The following UBASH3B variants were observed in gnomAD, a reference collection of about 807,000 sequenced individuals.
UBASH3B encodes ubiquitin-associated and SH3 domain-containing protein B.
UBASH3B carries 37 observed loss-of-function variants against 83.4 expected under a neutral mutation model. The ratio of observed to expected loss-of-function variants is 0.44; its 90% confidence interval spans 0.34 to 0.58. The LOEUF (loss-of-function observed/expected upper bound fraction) is 0.58. Among genes scored for constraint, UBASH3B ranks in the 20% least tolerant of loss-of-function variants. The pLI is 0.01. For missense variants in UBASH3B, 657 were observed against 827.2 expected (o/e 0.79, Z 2.52); for synonymous variants, 304 against 318.3 (o/e 0.96, Z 0.48).
intron 6 of UBASH3B, among the ~76,000 whole-genome samples, chr11:122,793,514 C>A (rs1861096747): frequency 6.6e-6 from 1 of 152,190 alleles, no homozygotes; most frequent in African/African-American, 2.4e-5. Context: ...TGGATGGCTA[C>A]CCAAATTGTA....
rs1030826328 is a variant in UBASH3B at position 122,813,061 on chromosome 11, T to A, written c.*3175T>A. 2.6e-5 allele frequency: 4 copies of A among 152,650 alleles called. No individual in the cohort carries two copies. The highest frequency in any genetic ancestry group is 5.9e-5 in the Non-Finnish European group (4 of 68,046). The allele number at this position is 152,650 out of a possible 1,614,324, so 9.5% of individuals were successfully genotyped here. A position where few individuals can be genotyped will look rare whatever the true frequency, so the allele number is the denominator to read the frequency against. ...TTTAATTATACTTTAACCAAAGAATTATTTTAAAGTAACCTTATATTTAAA... is the reference window on the plus strand; with the variant it reads ...TTTAATTATACTTTAACCAAAGAATAATTTTAAAGTAACCTTATATTTAAA... On this transcript the variant is annotated 3_prime_UTR_variant, in exon 14 of 14. Coordinates refer to ENST00000284273, the MANE Select transcript of UBASH3B (RefSeq NM_032873.5).
At chr11:122,700,651 C>G (rs1305690252) in intron 1 of UBASH3B, among the ~76,000 whole-genome samples, 1 of 152,094 alleles carries the variant, frequency 6.6e-6, no homozygotes, top group East Asian at 1.9e-4. Flanking sequence ...TGCTCACCAC[C>G]ACACCCAGCT....
chr11:122,691,584 G>C (rs1250051829), intron 1 of UBASH3B, among the ~76,000 whole-genome samples: 1 of 152,170 alleles, frequency 6.6e-6, no homozygotes, highest in African/African-American at 2.4e-5. Flanking sequence ...TCAATTTAAG[G>C]CTTAAAATCT....
intron 1 of UBASH3B, among the ~76,000 whole-genome samples, chr11:122,702,818 G>C (rs1197699843): frequency 1.3e-5 from 2 of 152,102 alleles, no homozygotes; most frequent in African/African-American, 4.8e-5. Context: ...GAGCCACCGT[G>C]CCTGGCCAGA....
chr11:122,741,029 A>G (rs1278651474), intron 1 of UBASH3B, among the ~76,000 whole-genome samples: 2 of 152,196 alleles, frequency 1.3e-5, no homozygotes, highest in African/African-American at 4.8e-5. Flanking sequence ...TAACATATAA[A>G]TGAATTCTGT....
At chr11:122,733,142 C>G (rs1348994671) in intron 1 of UBASH3B, among the ~76,000 whole-genome samples, 1 of 152,156 alleles carries the variant, frequency 6.6e-6, no homozygotes, top group African/African-American at 2.4e-5. Flanking sequence ...TATGGGGAGT[C>G]GAGTGTAGAG....
intron 1 of UBASH3B, among the ~76,000 whole-genome samples, chr11:122,678,632 G>A (rs1289298571): frequency 6.6e-6 from 1 of 152,156 alleles, no homozygotes; most frequent in Non-Finnish European, 1.5e-5. Flanking sequence ...GCTGAAAGGT[G>A]TGTTTTCAGG....
Position 122,662,427 on chromosome 11 carries a change from C to CTTTTTT in UBASH3B, c.161+6221_161+6222insTTTTTT, listed in dbSNP as rs1434926452. On this transcript the variant is annotated intron_variant, in intron 1 of 13. Transcript: ENST00000284273. The stretch of plus-strand genomic sequence containing the variant: ...GCAGCCACCAGTCGCTTTTTCTTTT[C>CTTTTTT]TTTTCTTTTTTTTTTTTTTGAGACA... Among the ~76,000 whole-genome samples the CTTTTTT allele has an allele frequency of 8.8e-5, 12 of 136,128 alleles. 1 individual carries two copies. Among genetic ancestry groups the CTTTTTT allele is most frequent in the African/African-American group, 1.3e-4 (5 of 38,032 alleles). 89.3% of individuals were successfully genotyped at this position (136,128 alleles called of 152,430 possible).
chr11:122,686,717 A>G (rs2135914449), intron 1 of UBASH3B, among the ~76,000 whole-genome samples: 1 of 152,282 alleles, frequency 6.6e-6, no homozygotes, highest in South Asian at 2.1e-4. Flanking sequence ...CAAATGCCTT[A>G]GTGAAATAAC....
intron 1 of UBASH3B, among the ~76,000 whole-genome samples, chr11:122,740,758 G>T (rs934653078): frequency 6.6e-6 from 1 of 152,170 alleles, no homozygotes; most frequent in African/African-American, 2.4e-5. Flanking sequence ...AGGCAGAAAG[G>T]TCAGTTGAGG....
intron 1 of UBASH3B, among the ~76,000 whole-genome samples, chr11:122,666,565 C>T (rs563981502): frequency 5.3e-5 from 8 of 152,048 alleles, no homozygotes; most frequent in East Asian, 1.9e-4. Context: ...ATTACAGGCG[C>T]GCGCCTCCAT....
chr11:122,805,562 C>T (rs775011529), intron 11 of UBASH3B, among the ~76,000 whole-genome samples: 1 of 151,940 alleles, frequency 6.6e-6, no homozygotes, highest in Non-Finnish European at 1.5e-5. Context: ...CAACAAAAAA[C>T]AAATAACAAA....
At chr11:122,666,682 G>T (rs1330853133) in intron 1 of UBASH3B, among the ~76,000 whole-genome samples, 2 of 152,176 alleles carry the variant, frequency 1.3e-5, no homozygotes, top group Non-Finnish European at 2.9e-5. Context: ...CTCCCAAAGT[G>T]CTGGGATTAC....
chr11:122,735,715 G>A (rs1178397860), intron 1 of UBASH3B, among the ~76,000 whole-genome samples: 1 of 152,188 alleles, frequency 6.6e-6, no homozygotes, highest in Non-Finnish European at 1.5e-5. Context: ...CTATCTACTT[G>A]TCGAAGTGGG....
chr11:122,799,699 T>C (rs140447609), intron 10 of UBASH3B, among the ~76,000 whole-genome samples: 124 of 152,312 alleles, frequency 8.1e-4, no homozygotes, highest in African/African-American at 2.9e-3. Context: ...GCAAGGGTGC[T>C]CTTAGGAGCC....
rs1404817453 is a variant in UBASH3B at position 122,656,203 on chromosome 11, GC to G, written c.157del (p.Arg53AlafsTer48). ...DVLLSMGFPR[A>X]RAQKALASTG... ...GCTCCTCTCCATGGGGTTCCCCAGAGCCCGCGCGTAAGTGGCCGGGCTCGCA... is the reference window on the plus strand; with the variant it reads ...GCTCCTCTCCATGGGGTTCCCCAGAGCCGCGCGTAAGTGGCCGGGCTCGCA... On this transcript the variant is annotated frameshift_variant, in exon 1 of 14. Transcript: ENST00000284273. LOFTEE classifies it high-confidence loss of function. The G allele has an allele frequency of 6.8e-7, 1 of 1,473,662 alleles. No homozygotes were observed. The highest frequency in any genetic ancestry group is 1.3e-5 in the South Asian group (1 of 75,530). The allele number at this position is 1,473,662 out of a possible 1,614,324, so 91.3% of individuals were successfully genotyped here. A position where few individuals can be genotyped will look rare whatever the true frequency, so the allele number is the denominator to read the frequency against.
chr11:122,701,805 G>A (rs1356762082), intron 1 of UBASH3B, among the ~76,000 whole-genome samples: 1 of 152,122 alleles, frequency 6.6e-6, no homozygotes, highest in African/African-American at 2.4e-5. Context: ...TGAACTCTGA[G>A]TGAATATATT....
chr11:122,794,729 A>C lies in UBASH3B; in HGVS notation c.1008A>C (p.Ser336=). ...CTTATTCAATCTTAAATACATCGTC[A>C]TCCAACTCTCTCACGTTTGGGGATG... ...HGSYSILNTS[S]SNSLTFGDGV... The change falls in exon 7 of 14, where the codon TCA becomes TCC. Residue 336 remains serine (S), a synonymous_variant. Coordinates refer to ENST00000284273, the MANE Select transcript of UBASH3B (RefSeq NM_032873.5). The C allele has an allele frequency of 6.2e-7, 1 of 1,613,756 alleles. No individual in the cohort carries two copies.
chr11:122,687,056 T>TG (rs1002897243), intron 1 of UBASH3B, among the ~76,000 whole-genome samples: 3 of 151,778 alleles, frequency 2.0e-5, no homozygotes, highest in African/African-American at 7.3e-5. Context: ...TTAGTAGAGA[T>TG]GGGGGTTTCA....
Sources: gnomAD v4.1 joint callset for allele counts (sites outside exome capture counted in the v4.1 genomes callset) on GRCh38, gnomAD v4.1.1 for gene constraint, MANE v1.5 for transcripts, NCBI Gene and HGNC (gene_info 2026-07-23, HGNC 2026-07-21) for gene names.